CALN1: variants seen among roughly 807,000 people sequenced by gnomAD.
The protein encoded by CALN1 is calneuron 1.
Under a neutral mutation model 30.6 loss-of-function variants are expected in CALN1, and 17 were observed. The ratio of observed to expected loss-of-function variants is 0.56; its 90% confidence interval spans 0.38 to 0.83. CALN1 has a LOEUF of 0.83. Ranked by LOEUF, CALN1 falls within the 40% of genes least tolerant of loss-of-function variation. CALN1 has a pLI of 0.00. For synonymous variants in CALN1, 156 were observed against 131.4 expected (o/e 1.19, Z -1.28); for missense variants, 291 against 354.9 (o/e 0.82, Z 1.45).
intron 4 of CALN1, among the ~76,000 whole-genome samples, chr7:72,070,374 T>C (rs767426328): frequency 6.6e-6 from 1 of 152,210 alleles, no homozygotes; most frequent in Non-Finnish European, 1.5e-5. Flanking sequence ...AGTCAGAGAA[T>C]GTGTCCAACT....
chr7:71,987,047 A>C (rs963120954), intron 5 of CALN1, among the ~76,000 whole-genome samples: 1 of 151,692 alleles, frequency 6.6e-6, no homozygotes, highest in Admixed American at 6.6e-5. Context: ...AATCACTTGA[A>C]CCTGGGAGGC....
intron 6 of CALN1, among the ~76,000 whole-genome samples, chr7:71,798,166 AGAGAGAGAG>A (rs1461876677): frequency 6.9e-5 from 10 of 145,794 alleles, no homozygotes; most frequent in South Asian, 2.2e-4. Context: ...AGAGAGAGAG[AGAGAGAGAG>A]ATGTTGCTTG....
intron 5 of CALN1, among the ~76,000 whole-genome samples, chr7:71,968,838 A>G (rs556599313): frequency 1.3e-5 from 2 of 151,580 alleles, no homozygotes; most frequent in East Asian, 3.9e-4. Flanking sequence ...TGAGTCCAGG[A>G]GTTCAAGACC....
At chr7:72,022,916 A>T (rs1800787269) in intron 5 of CALN1, among the ~76,000 whole-genome samples, 1 of 111,836 alleles carries the variant, frequency 8.9e-6, no homozygotes, top group Non-Finnish European at 1.6e-5. Context: ...AAAATAAATA[A>T]AATTAAAAAA....
chr7:71,987,140 AT>A (rs2129527563), intron 5 of CALN1, among the ~76,000 whole-genome samples: 1 of 152,090 alleles, frequency 6.6e-6, no homozygotes, highest in South Asian at 2.1e-4. Context: ...AAAAAAAAAA[AT>A]CTCCTCCACA....
At chr7:72,097,440 A>T (rs1018058296) in intron 4 of CALN1, among the ~76,000 whole-genome samples, 2 of 152,172 alleles carry the variant, frequency 1.3e-5, no homozygotes, top group Admixed American at 1.3e-4. Flanking sequence ...GGGACCACAG[A>T]GCTAAGGGGA....
At chr7:72,340,089 C>CT (rs1562905285) in intron 2 of CALN1, among the ~76,000 whole-genome samples, 1 of 152,216 alleles carries the variant, frequency 6.6e-6, no homozygotes, top group African/African-American at 2.4e-5. Context: ...GGACTAAACT[C>CT]TAACTGTGGT....
intron 4 of CALN1, among the ~76,000 whole-genome samples, chr7:72,059,253 G>A (rs949227444): frequency 6.6e-6 from 1 of 152,134 alleles, no homozygotes; most frequent in African/African-American, 2.4e-5. Flanking sequence ...AGGTCAGAGG[G>A]ATTACTTTTT....
At chr7:72,184,319 G>T (rs1790031795) in intron 3 of CALN1, among the ~76,000 whole-genome samples, 1 of 152,204 alleles carries the variant, frequency 6.6e-6, no homozygotes, top group Non-Finnish European at 1.5e-5. Context: ...TTGAGCAATT[G>T]TGTAATGCCT....
At chr7:72,344,866 T>A (rs1802551831) in intron 2 of CALN1, among the ~76,000 whole-genome samples, 1 of 147,636 alleles carries the variant, frequency 6.8e-6, no homozygotes, top group South Asian at 2.1e-4. Flanking sequence ...TATATTTATA[T>A]AACACATAAA....
rs145017611 is a variant in CALN1 at position 72,126,091 on chromosome 7, G to A, written c.245-19797C>T. On this transcript the variant is annotated intron_variant, in intron 3 of 6. Coordinates refer to ENST00000395275, the MANE Select transcript of CALN1 (RefSeq NM_031468.4). ...TGGGATTACAGGCGTGAGCCACCGC[G>A]CCCAGCTCACTGTATCATTCTTATG... Among the ~76,000 whole-genome samples, 1,291 of 152,206 alleles carry A rather than the reference G, an allele frequency of 8.5e-3. 22 individuals carry two copies. Among genetic ancestry groups the A allele is most frequent in the Middle Eastern group, 0.024 (7 of 294 alleles).
At chr7:71,975,793 G>A (rs1455376444) in intron 5 of CALN1, among the ~76,000 whole-genome samples, 3 of 151,128 alleles carry the variant, frequency 2.0e-5, no homozygotes, top group Non-Finnish European at 4.4e-5. Context: ...GAAGACCCAT[G>A]CCCCTTAATC....
At chr7:72,073,964 G>C (rs947173762) in intron 4 of CALN1, among the ~76,000 whole-genome samples, 3 of 152,136 alleles carry the variant, frequency 2.0e-5, no homozygotes, top group African/African-American at 7.2e-5. Flanking sequence ...CAGAGTGTTG[G>C]GATTGCAGGG....
intron 6 of CALN1, among the ~76,000 whole-genome samples, chr7:71,802,812 C>A (rs1323995483): frequency 6.6e-6 from 1 of 152,110 alleles, no homozygotes; most frequent in Non-Finnish European, 1.5e-5. Flanking sequence ...CACTTGAGGT[C>A]AGGAGTTGGA....
chr7:72,038,828 A>T (rs1228097728), intron 4 of CALN1, among the ~76,000 whole-genome samples: 1 of 152,222 alleles, frequency 6.6e-6, no homozygotes, highest in Non-Finnish European at 1.5e-5. Context: ...GGGTCTAAAA[A>T]GGGGAGGCAT....
chr7:71,957,751 C>A (rs1303606575), intron 5 of CALN1, among the ~76,000 whole-genome samples: 1 of 151,950 alleles, frequency 6.6e-6, no homozygotes, highest in Non-Finnish European at 1.5e-5. Flanking sequence ...GGTGCTGTGG[C>A]TCACACCTCG....
intron 4 of CALN1, among the ~76,000 whole-genome samples, chr7:72,037,117 G>C (rs2129533132): frequency 6.6e-6 from 1 of 151,726 alleles, no homozygotes; most frequent in South Asian, 2.1e-4. Context: ...AGGACTATAG[G>C]TGTGAGCCAC....
intron 3 of CALN1, among the ~76,000 whole-genome samples, chr7:72,196,280 G>T (rs115645341): frequency 1.3e-5 from 2 of 152,092 alleles, no homozygotes; most frequent in African/African-American, 4.8e-5. Context: ...GCCATGCCTG[G>T]GTAACTTTTT....
At chr7:71,796,551 G>C (rs944293841) in intron 6 of CALN1, among the ~76,000 whole-genome samples, 3 of 151,748 alleles carry the variant, frequency 2.0e-5, no homozygotes, top group Non-Finnish European at 4.4e-5. Flanking sequence ...AGTAGAGATG[G>C]GTTCCACTAC....
Sources: gnomAD v4.1 joint callset for allele counts (sites outside exome capture counted in the v4.1 genomes callset) on GRCh38, gnomAD v4.1.1 for gene constraint, MANE v1.5 for transcripts, NCBI Gene and HGNC (gene_info 2026-07-23, HGNC 2026-07-21) for gene names.